PRLR: variants seen among roughly 807,000 people sequenced by gnomAD.
PRLR encodes hPRL receptor.
Under a neutral mutation model 40.2 loss-of-function variants are expected in PRLR, and 13 were observed. The ratio of observed to expected loss-of-function variants is 0.32; its 90% CI spans 0.21 to 0.51. PRLR has a LOEUF of 0.51. Ranked by LOEUF, PRLR falls within the 20% of genes least tolerant of loss-of-function variation. PRLR has a pLI of 0.97. For missense variants in PRLR, 656 were observed against 747.3 expected, an observed-to-expected ratio of 0.88 and a Z score of 1.42; for synonymous variants, 269 against 278.7, an observed-to-expected ratio of 0.97 and a Z score of 0.35.
At chr5:35,214,411 GC>G (rs2111651606) in intron 1 of PRLR, among the ~76,000 whole-genome samples, 1 of 152,284 alleles carries the variant, frequency 6.6e-6, no homozygotes, top group East Asian at 1.9e-4. Context: ...GTTACGCACT[GC>G]TCGAACCATC....
chr5:35,227,511 G>A lies in PRLR; in HGVS notation c.-106+2757C>T, dbSNP rs1776582378. ...TGCTATGAGAATTAATTGAGGCAAT[G>A]TGTGAAAGTGCTTAGCACATCTTAA... is the stretch of plus-strand genomic sequence containing the variant. On this transcript the variant is annotated intron_variant, in intron 1 of 9. Transcript: ENST00000618457. 1.2e-4 allele frequency among the ~76,000 whole-genome samples: 19 copies of A among 152,352 alleles called. 1 individual carries two copies. The South Asian group carries it at 3.9e-3, about 32-fold the overall frequency.
chr5:35,156,363 C>A (rs981024391), intron 1 of PRLR, among the ~76,000 whole-genome samples: 7 of 152,144 alleles, frequency 4.6e-5, no homozygotes, highest in Non-Finnish European at 8.8e-5. Flanking sequence ...CACCTCTCTC[C>A]TTGCCCTTCA....
At chr5:35,097,965 G>A (rs774033539) in intron 2 of PRLR, among the ~76,000 whole-genome samples, 4 of 152,118 alleles carry the variant, frequency 2.6e-5, no homozygotes, top group Non-Finnish European at 5.9e-5. Flanking sequence ...TCCTCTCTAC[G>A]GGAAATGTTG....
intron 2 of PRLR, among the ~76,000 whole-genome samples, chr5:35,112,260 C>T (rs1772707675): frequency 6.6e-6 from 1 of 152,070 alleles, no homozygotes; most frequent in Non-Finnish European, 1.5e-5. Context: ...CTAAGGCTGG[C>T]CATTATTTTT....
At position 35,068,238 on chromosome 5, in the gene PRLR, C is replaced by T; in HGVS notation, c.833G>A (p.Gly278Glu). 2 of 1,613,152 alleles carry T rather than the reference C, an allele frequency of 1.2e-6. No homozygotes were observed. The highest frequency in any genetic ancestry group is 1.7e-6 in the Non-Finnish European group (2 of 1,179,158). ...TACCTCCAACAGATGAGCATCAAAT[C>T]CTTTTATTTTTGGCCCAGGAACTGG... ...FPPVPGPKIK[G>E]FDAHLLEKGK... Residue 278 changes from glycine to glutamate, a missense_variant, in exon 9 of 10, where the codon GGA becomes GAA. Gly to Glu is a moderately conservative substitution (Grantham distance 98, BLOSUM62 -2). This residue lies in a region of PRLR where 469 missense variants were observed against 491.5 expected (regional missense o/e 0.95). Transcript: ENST00000618457.
chr5:35,222,348 T>C (rs899167540), intron 1 of PRLR, among the ~76,000 whole-genome samples: 3 of 151,984 alleles, frequency 2.0e-5, no homozygotes, highest in African/African-American at 7.3e-5. Context: ...CTTTCTCCTC[T>C]TTTTTTCAGG....
intron 5 of PRLR, among the ~76,000 whole-genome samples, chr5:35,081,010 G>A (rs1003877021): frequency 8.5e-5 from 12 of 140,436 alleles, no homozygotes; most frequent in Non-Finnish European, 3.0e-5. Flanking sequence ...TTGAACACAG[G>A]GTGGGTAACA....
chr5:35,101,690 A>G (rs1771886784), intron 2 of PRLR, among the ~76,000 whole-genome samples: 2 of 149,394 alleles, frequency 1.3e-5, no homozygotes, highest in South Asian at 4.2e-4. Flanking sequence ...ATGAAAACAC[A>G]TATATATATA....
chr5:35,133,933 A>C (rs74768213), intron 1 of PRLR, among the ~76,000 whole-genome samples: 3,938 of 152,276 alleles, frequency 0.026, 87 homozygotes, highest in Middle Eastern at 0.092. Flanking sequence ...ATGAACAACA[A>C]ATGGAAAACC....
rs1316179278 is a variant in PRLR, at chr5:35,072,704, T to C, written c.414A>G (p.Lys138=). The C allele has an allele frequency of 2.5e-6, 4 of 1,614,166 alleles. No individual in the cohort carries two copies. The South Asian group carries it at 3.3e-5, about 13-fold the overall frequency. ...DPPLELAVEV[K]QPEDRKPYLW... ...GGTAGGGTTTTCTGTCTTCTGGCTG[T>C]TTTACTTCCACAGCCAGCTCCAAAG... The change falls in exon 6 of 10, where the codon AAA becomes AAG. Residue 138 remains lysine (K), a synonymous_variant. Coordinates refer to ENST00000618457, the MANE Select transcript of PRLR (RefSeq NM_000949.7).
intron 1 of PRLR, among the ~76,000 whole-genome samples, chr5:35,198,784 T>C (rs753503974): frequency 5.3e-5 from 8 of 152,206 alleles, no homozygotes; most frequent in African/African-American, 1.7e-4. Context: ...GTTTGGGTCA[T>C]AAAATTGCTC....
chr5:35,196,509 G>A lies in PRLR; in HGVS notation c.-106+33759C>T, dbSNP rs1025795376. Among the ~76,000 whole-genome samples the A allele has an allele frequency of 1.9e-4, 29 of 152,182 alleles. 1 individual carries two copies. Among genetic ancestry groups the A allele is most frequent in the Non-Finnish European group, 3.7e-4 (25 of 68,038 alleles). On this transcript the variant is annotated intron_variant, in intron 1 of 9. Coordinates refer to ENST00000618457, the MANE Select transcript of PRLR (RefSeq NM_000949.7). ...CCAAAGCCTGACTCCATCAGCCAGG[G>A]GATTAGGAGGAAAACAAACATAGGG...
At chr5:35,050,198 C>T (rs551894798) in intron 8 of PRLR, among the ~76,000 whole-genome samples, 15 of 152,256 alleles carry the variant, frequency 9.9e-5, no homozygotes, top group South Asian at 2.1e-4. Context: ...TGCGCCCGGC[C>T]GGACAAAACT....
At position 35,118,129 on chromosome 5, in the gene PRLR, G is replaced by T. The variant is rs1331521605; in HGVS notation, c.-105-7C>A. ...GAATAGGAGAGTTCTTTAGCTGAAAGAGGAAATGATTCATTTTAGCTCCAA... is the reference window on the plus strand; with the variant it reads ...GAATAGGAGAGTTCTTTAGCTGAAATAGGAAATGATTCATTTTAGCTCCAA... On this transcript the variant is annotated splice_polypyrimidine_tract_variant and splice_region_variant and intron_variant, in intron 1 of 9. Transcript: ENST00000618457. 4.1e-6 allele frequency: 4 copies of T among 984,498 alleles called. No individual in the cohort carries two copies. Among genetic ancestry groups the T allele is most frequent in the Middle Eastern group, 5.2e-4 (1 of 1,934 alleles). 61.0% of individuals were successfully genotyped at this position (984,498 alleles called of 1,614,324 possible). A position where few individuals can be genotyped will look rare whatever the true frequency, so the allele number is the denominator to read the frequency against.
chr5:35,065,930 A>G lies in PRLR; in HGVS notation c.1028T>C (p.Leu343Pro). ...CCGGCCTGAGTCAGTGTCAGGATCC[A>G]GGTATGTGGGTTTCATACCTTGACT... ...HPSQGMKPTYLDPDTDSGRGS... is the reference protein window; with the variant it reads ...HPSQGMKPTYPDPDTDSGRGS... Residue 343 changes from leucine to proline, a missense_variant, in exon 10 of 10, where the codon CTG becomes CCG. Coordinates refer to ENST00000618457, the MANE Select transcript of PRLR (RefSeq NM_000949.7). The G allele has an allele frequency of 1.2e-6, 2 of 1,614,184 alleles. No individual in the cohort carries two copies. The highest frequency in any genetic ancestry group is 1.7e-6 in the Non-Finnish European group (2 of 1,180,036).
intron 1 of PRLR, among the ~76,000 whole-genome samples, chr5:35,156,487 AAT>A (rs1774510704): frequency 6.6e-6 from 1 of 152,208 alleles, no homozygotes; most frequent in African/African-American, 2.4e-5. Context: ...AAAGTTATAC[AAT>A]GACCTACAAG....
chr5:35,200,597 G>A (rs1265267257), intron 1 of PRLR, among the ~76,000 whole-genome samples: 1 of 152,214 alleles, frequency 6.6e-6, no homozygotes, highest in Non-Finnish European at 1.5e-5. Context: ...TGTCCTGGCA[G>A]CTGAGGAAGG....
chr5:35,182,365 C>G (rs1253981908), intron 1 of PRLR, among the ~76,000 whole-genome samples: 3 of 152,070 alleles, frequency 2.0e-5, no homozygotes, highest in African/African-American at 7.2e-5. Context: ...GATTTCCACA[C>G]AGATAGATTT....
chr5:35,056,799 T>C lies in PRLR; in HGVS notation c.*8290A>G, dbSNP rs569378954. The C allele has an allele frequency of 6.6e-6, 1 of 152,282 alleles. No homozygotes were observed. Among genetic ancestry groups the C allele is most frequent in the South Asian group, 2.1e-4 (1 of 4,828 alleles). 9.4% of individuals were successfully genotyped at this position (152,282 alleles called of 1,614,324 possible). On this transcript the variant is annotated 3_prime_UTR_variant, in exon 10 of 10. Transcript: ENST00000618457. ...ATAAGCACAGGAGAGCCAGCGTTTC[T>C]GTGACTGAAGCCAAGTTTTTTAGAG... is the stretch of plus-strand genomic sequence containing the variant.
Sources: gnomAD v4.1 joint callset for allele counts (sites outside exome capture counted in the v4.1 genomes callset) on GRCh38, gnomAD v4.1.1 for gene constraint, gnomAD v4.1.1 regional missense constraint, MANE v1.5 for transcripts, NCBI Gene and HGNC (gene_info 2026-07-23, HGNC 2026-07-21) for gene names.